SLC35D2: variants seen among roughly 807,000 people sequenced by gnomAD.
The protein encoded by SLC35D2 is nucleotide sugar transporter SLC35D2.
In SLC35D2, 43 loss-of-function variants were observed where a neutral mutation model predicts 41.8. The observed-to-expected ratio is 1.03, with a 90% CI of 0.81 to 1.33. SLC35D2 has a LOEUF of 1.33. Ranked by LOEUF, SLC35D2 falls within the 40% of genes most tolerant of loss-of-function variation. The pLI is 0.00. For missense variants in SLC35D2, 380 were observed against 408.4 expected, an observed-to-expected ratio of 0.93 and a Z score of 0.60; for synonymous variants, 150 against 163.9, an observed-to-expected ratio of 0.92 and a Z score of 0.65.
chr9:96,345,950 C>T (rs1228416490), intron 6 of SLC35D2, among the ~76,000 whole-genome samples: 4 of 152,216 alleles, frequency 2.6e-5, no homozygotes, highest in Non-Finnish European at 5.9e-5. Flanking sequence ...TTTGAAACAG[C>T]TTCTCTTCCA....
chr9:96,323,925 C>CAA (rs146238386), intron 10 of SLC35D2, among the ~76,000 whole-genome samples, 166 bp downstream of exon 10: 7 of 141,896 alleles, frequency 4.9e-5, no homozygotes, highest in East Asian at 4.0e-4. Context: ...GACTCTGTCT[C>CAA]AAAAAAAAAA....
chr9:96,352,699 A>G (rs1378269556), intron 4 of SLC35D2, among the ~76,000 whole-genome samples: 1 of 152,096 alleles, frequency 6.6e-6, no homozygotes, highest in African/African-American at 2.4e-5. Context: ...ATGTGAACCA[A>G]TACATCCTTT....
intron 9 of SLC35D2, among the ~76,000 whole-genome samples, chr9:96,329,719 T>A (rs964909040): frequency 6.6e-6 from 1 of 152,230 alleles, no homozygotes; most frequent in Non-Finnish European, 1.5e-5. Flanking sequence ...AACTAGCTTT[T>A]AAACTTTTAT....
intron 1 of SLC35D2, among the ~76,000 whole-genome samples, chr9:96,381,314 C>T (rs1307031054): frequency 6.6e-6 from 1 of 152,232 alleles, no homozygotes; most frequent in Non-Finnish European, 1.5e-5. Flanking sequence ...TTGCGTGGCT[C>T]CCATCTCATT....
intron 9 of SLC35D2, among the ~76,000 whole-genome samples, chr9:96,335,329 G>T (rs1828998872): frequency 6.6e-6 from 1 of 152,158 alleles, no homozygotes; most frequent in African/African-American, 2.4e-5. Flanking sequence ...GAGGAAGAAT[G>T]GAGGGGAGTT....
chr9:96,336,841 T>C, intron 8 of SLC35D2, 57 bp from the exon 9 acceptor site: 1 of 1,014,262 alleles, frequency 9.9e-7, no homozygotes, highest in Non-Finnish European at 1.5e-6. Context: ...AGTTTAAATT[T>C]ACTGGTTTTA....
chr9:96,348,607 GTCTGTAGCTAAGCACTCACTGCTGA>G (rs1406610769), intron 6 of SLC35D2, among the ~76,000 whole-genome samples: 3 of 152,164 alleles, frequency 2.0e-5, no homozygotes, highest in East Asian at 1.9e-4. Context: ...GTCACTGCTG[GTCTGTAGCTAAGCACTCACTGCTGA>G]TCTGTAGCTA....
intron 8 of SLC35D2, among the ~76,000 whole-genome samples, chr9:96,338,622 G>A (rs1457136466): frequency 6.6e-6 from 1 of 151,272 alleles, no homozygotes; most frequent in Non-Finnish European, 1.5e-5. Flanking sequence ...GGGCATATAT[G>A]TGGAGTTTGT....
intron 1 of SLC35D2, among the ~76,000 whole-genome samples, chr9:96,370,817 A>G (rs1187989154): frequency 6.6e-6 from 1 of 152,192 alleles, no homozygotes; most frequent in Admixed American, 6.5e-5. Context: ...AGAAAGAATA[A>G]AACCAATAAA....
In SLC35D2 at chr9:96,351,163, T is replaced by A; in HGVS notation, c.428A>T (p.Tyr143Phe). 6.2e-7 allele frequency: 1 copy of A among 1,604,348 alleles called. No individual in the cohort carries two copies. The highest frequency in any genetic ancestry group is 8.5e-7 in the Non-Finnish European group (1 of 1,171,170). Residue 143 changes from tyrosine (Y) to phenylalanine (F), a missense_variant, in exon 6 of 12, where the codon TAT becomes TTT. Physicochemically the swap from Tyr to Phe is conservative, Grantham distance 22. Transcript: ENST00000253270. ...GACACTGAGGATGATGTTGAGTGAATACTGCTTCCTGTAATAAATACACAA... is the reference window on the plus strand; with the variant it reads ...GACACTGAGGATGATGTTGAGTGAAAACTGCTTCCTGTAATAAATACACAA... ...LLETIILGKQ[Y>F]SLNIILSVFA...
Position 96,365,682 on chromosome 9 carries a change from TA to T in SLC35D2, c.193-1133del, listed in dbSNP as rs1272518050. 2.0e-5 allele frequency among the ~76,000 whole-genome samples: 3 copies of T among 152,328 alleles called. No individual in the cohort carries two copies. In the East Asian group the frequency reaches 5.8e-4, roughly 29 times the overall value. On this transcript the variant is annotated intron_variant, in intron 2 of 11. Transcript: ENST00000253270. ...AAAAAAGTTCTTTAAACTTTACTTTTAAAGATTTACTTTTCAATCTAGCTGG... is the reference window on the plus strand; with the variant it reads ...AAAAAAGTTCTTTAAACTTTACTTTTAAGATTTACTTTTCAATCTAGCTGG...
In SLC35D2 at chr9:96,322,329, G is replaced by A. The variant is rs141245187; in HGVS notation, c.832-249C>T. Among the ~76,000 whole-genome samples, 1,108 of 152,076 alleles carry A rather than the reference G, an allele frequency of 7.3e-3. 9 individuals are homozygous for A. The highest frequency in any genetic ancestry group is 0.012 in the Non-Finnish European group (816 of 67,980). On this transcript the variant is annotated intron_variant, in intron 10 of 11. Transcript: ENST00000253270. Reference sequence around the variant, plus strand: ...AGCCCAGGAGTTTAAGACCAGCCTGGGCAACATAGTGAGATCCCATCTCTA... The same window carrying A: ...AGCCCAGGAGTTTAAGACCAGCCTGAGCAACATAGTGAGATCCCATCTCTA...
rs75981899 is a variant in SLC35D2, at chr9:96,365,291, A to C, written c.193-741T>G. Among the ~76,000 whole-genome samples, 1,194 of 152,136 alleles carry C rather than the reference A, an allele frequency of 7.8e-3. 17 individuals carry two copies. The highest frequency in any genetic ancestry group is 0.026 in the African/African-American group (1,088 of 41,528). ...CCTGAGCCCGGAAAGTCAAGGCTGC[A>C]GTGAGCCCAGTGAACTATGATCATG... On this transcript the variant is annotated intron_variant, in intron 2 of 11. Coordinates refer to ENST00000253270, the MANE Select transcript of SLC35D2 (RefSeq NM_007001.3).
chr9:96,320,542 G>C (rs1828170975), downstream of SLC35D2, among the ~76,000 whole-genome samples: 1 of 151,388 alleles, frequency 6.6e-6, no homozygotes, highest in Non-Finnish European at 1.5e-5. Flanking sequence ...TAGCTAACAG[G>C]ATAAAGCCTG....
intron 1 of SLC35D2, among the ~76,000 whole-genome samples, chr9:96,381,835 C>T (rs892054406): frequency 1.3e-5 from 2 of 152,238 alleles, no homozygotes; most frequent in South Asian, 4.1e-4. Flanking sequence ...CCTACCTCCC[C>T]GCCCAGGCAC....
intron 9 of SLC35D2, among the ~76,000 whole-genome samples, chr9:96,326,015 T>G (rs763394404): frequency 3.3e-5 from 5 of 152,356 alleles, no homozygotes; most frequent in Non-Finnish European, 7.3e-5. Context: ...ATCTTTGCAA[T>G]ACTGTGTGCA....
At chr9:96,368,677 T>C (rs753191612) in intron 1 of SLC35D2, among the ~76,000 whole-genome samples, 21 of 149,992 alleles carry the variant, frequency 1.4e-4, no homozygotes, top group Non-Finnish European at 2.5e-4. Context: ...AAACATTATA[T>C]ACACACACAC....
chr9:96,345,703 CT>C (rs1483074485), intron 6 of SLC35D2, among the ~76,000 whole-genome samples: 1 of 152,226 alleles, frequency 6.6e-6, no homozygotes, highest in African/African-American at 2.4e-5. Flanking sequence ...TGAGCCCTGA[CT>C]TTCCTAAGGG....
intron 9 of SLC35D2, among the ~76,000 whole-genome samples, chr9:96,327,891 G>GGACT (rs149672562): frequency 0.24 from 37,025 of 151,556 alleles, 4,695 homozygotes; most frequent in East Asian, 0.55. Context: ...CAAAGTGCTG[G>GGACT]GACTATAGGA....
Sources: gnomAD v4.1 joint callset for allele counts (sites outside exome capture counted in the v4.1 genomes callset) on GRCh38, gnomAD v4.1.1 for gene constraint, MANE v1.5 for transcripts, NCBI Gene and HGNC (gene_info 2026-07-23, HGNC 2026-07-21) for gene names.